Variants in TMCC1 observed in about 807,000 individuals in gnomAD.
TMCC1 encodes the protein transmembrane and coiled-coil domain family 1.
A neutral mutation model predicts 52.4 loss-of-function variants in TMCC1; 15 were observed. The observed-to-expected ratio is 0.29, with a 90% confidence interval of 0.19 to 0.44. TMCC1 has a LOEUF of 0.44. TMCC1 is among the 20% of genes least tolerant of loss of function. The probability of loss-of-function intolerance (pLI) is 1.00; values close to 1 mark genes in which losing one functional copy is unlikely to be tolerated. For missense variants in TMCC1, 503 were observed against 806.0 expected (o/e 0.62, Z 4.55); for synonymous variants, 279 against 301.9 (o/e 0.92, Z 0.79).
At chr3:129,729,536 A>G (rs2050379022) in intron 4 of TMCC1, among the ~76,000 whole-genome samples, 1 of 152,192 alleles carries the variant, frequency 6.6e-6, no homozygotes, top group Admixed American at 6.5e-5. Flanking sequence ...CTGTGAGATG[A>G]AAATATTGGC....
At chr3:129,889,921 TAA>T (rs3042659) in intron 1 of TMCC1, among the ~76,000 whole-genome samples, 44 of 134,832 alleles carry the variant, frequency 3.3e-4, no homozygotes, top group African/African-American at 3.7e-4. Flanking sequence ...GTAGCAAAGT[TAA>T]AAAAAAAAAA....
intron 2 of TMCC1, among the ~76,000 whole-genome samples, chr3:129,867,661 T>C (rs959914640): frequency 6.6e-6 from 1 of 152,164 alleles, no homozygotes; most frequent in Non-Finnish European, 1.5e-5. Context: ...GCCAAGCAAA[T>C]AACTGAAGCC....
chr3:129,786,037 T>C lies in TMCC1; in HGVS notation c.576+41766A>G, dbSNP rs372118294. 4.7e-5 allele frequency among the ~76,000 whole-genome samples: 7 copies of C among 150,514 alleles called. No homozygotes were observed. In the East Asian group the frequency reaches 1.4e-3, roughly 30 times the overall value. ...GCAATCTTCGCCTTCTAGGTTCAAG[T>C]GATTCTCGTGCCACAACCACCTGAA... On this transcript the variant is annotated intron_variant, in intron 4 of 6. Transcript: ENST00000393238.
At chr3:129,826,607 T>C (rs1159869218) in intron 4 of TMCC1, among the ~76,000 whole-genome samples, 4 of 152,138 alleles carry the variant, frequency 2.6e-5, no homozygotes, top group Non-Finnish European at 5.9e-5. Context: ...AGGTTTAAAG[T>C]GATTTACTGT....
chr3:129,799,903 A>G (rs2057078057), intron 4 of TMCC1, among the ~76,000 whole-genome samples: 1 of 152,178 alleles, frequency 6.6e-6, no homozygotes, highest in Non-Finnish European at 1.5e-5. Flanking sequence ...ATGTATGCAC[A>G]TAAACACATT....
At chr3:129,746,003 C>T (rs926111781) in intron 4 of TMCC1, among the ~76,000 whole-genome samples, 20 of 151,560 alleles carry the variant, frequency 1.3e-4, no homozygotes, top group Non-Finnish European at 2.5e-4. Context: ...GTGATCCTCC[C>T]GCCTCAGCCT....
At chr3:129,735,471 T>C (rs1273673228) in intron 4 of TMCC1, among the ~76,000 whole-genome samples, 2 of 151,806 alleles carry the variant, frequency 1.3e-5, no homozygotes, top group Admixed American at 6.6e-5. Context: ...AGTGAGATCC[T>C]GTCTCCACAA....
chr3:129,848,940 C>G (rs2059788955), intron 2 of TMCC1, among the ~76,000 whole-genome samples: 1 of 150,960 alleles, frequency 6.6e-6, no homozygotes, highest in Admixed American at 6.6e-5. Context: ...TACTTGATTT[C>G]CAAAATGGAG....
intron 4 of TMCC1, among the ~76,000 whole-genome samples, chr3:129,681,854 G>A (rs1357385800): frequency 6.6e-6 from 1 of 150,850 alleles, no homozygotes; most frequent in Non-Finnish European, 1.5e-5. Flanking sequence ...GGTGTAGTGA[G>A]CTGAGATCAT....
At chr3:129,787,472 A>AT (rs2056121850) in intron 4 of TMCC1, among the ~76,000 whole-genome samples, 2 of 152,248 alleles carry the variant, frequency 1.3e-5, no homozygotes, top group South Asian at 2.1e-4. Flanking sequence ...TATTAAACAT[A>AT]TTTTTCAGTA....
chr3:129,860,719 C>A (rs1018485098), intron 2 of TMCC1, among the ~76,000 whole-genome samples: 1 of 152,032 alleles, frequency 6.6e-6, no homozygotes, highest in African/African-American at 2.4e-5. Context: ...CCTGCCTCAG[C>A]CTCCAGAGTA....
chr3:129,771,611 C>T (rs2054578349), intron 4 of TMCC1, among the ~76,000 whole-genome samples: 1 of 151,134 alleles, frequency 6.6e-6, no homozygotes, highest in African/African-American at 2.4e-5. Flanking sequence ...CCTGTCTCTA[C>T]AAAAAATACA....
chr3:129,759,111 C>T (rs1274164135), intron 4 of TMCC1, among the ~76,000 whole-genome samples: 1 of 152,126 alleles, frequency 6.6e-6, no homozygotes, highest in African/African-American at 2.4e-5. Context: ...GTGATTAGTG[C>T]TAGTGTGAAC....
At chr3:129,653,870 A>G (rs1057320405) in intron 6 of TMCC1, among the ~76,000 whole-genome samples, 3 of 152,246 alleles carry the variant, frequency 2.0e-5, no homozygotes, top group Non-Finnish European at 4.4e-5. Flanking sequence ...ATACTAATAC[A>G]TTAATGAAAC....
chr3:129,763,889 C>T (rs1359870955), intron 4 of TMCC1, among the ~76,000 whole-genome samples: 1 of 149,784 alleles, frequency 6.7e-6, no homozygotes, highest in East Asian at 1.9e-4. Context: ...TAATATTAAC[C>T]AGTCTACTTA....
At position 129,651,425 on chromosome 3, in the gene TMCC1, ACT is replaced by A. The variant is rs2086312389; in HGVS notation, c.*54_*55del. 1.9e-6 allele frequency: 3 copies of A among 1,551,902 alleles called. No individual in the cohort carries two copies. The highest frequency in any genetic ancestry group is 3.7e-5 in the Admixed American group (2 of 53,878). On this transcript the variant is annotated 3_prime_UTR_variant, in exon 7 of 7. Coordinates refer to ENST00000393238, the MANE Select transcript of TMCC1 (RefSeq NM_001017395.5). This position sits in a 1 kb window ranked among gnomAD's most constrained non-coding sequence, Gnocchi z 5.1. ...TTCAGAGTAGGTAAGTTGCTGTCTA[ACT>A]CTCTGCTGCATGCACTCGCCAGAGG...
rs978589702 is a variant in TMCC1 at position 129,653,559 on chromosome 3, T to C, written c.1647+1409A>G. On this transcript the variant is annotated intron_variant, in intron 6 of 6. Transcript: ENST00000393238. ...CCCAGGTTCAGGCCATTCTTCTGCC[T>C]CAGCCTCCTGAGTAGCTGGGACTAC... 3.2e-4 allele frequency among the ~76,000 whole-genome samples: 48 copies of C among 152,242 alleles called. 1 individual carries two copies. Among genetic ancestry groups the C allele is most frequent in the Non-Finnish European group, 7.3e-5 (5 of 68,038 alleles).
chr3:129,702,951 G>C (rs990166378), intron 4 of TMCC1, among the ~76,000 whole-genome samples: 1 of 152,190 alleles, frequency 6.6e-6, no homozygotes, highest in South Asian at 2.1e-4. Context: ...GGGAGGTTGA[G>C]GTTGCAGTGG....
chr3:129,659,104 T>C lies in TMCC1; in HGVS notation c.1512-4001A>G, dbSNP rs1163303855. ...CCTTTTTCTTTCTTTCTTTTTTTTT[T>C]TTTTTTTTTTAAAGAGATGGGGTCT... On this transcript the variant is annotated intron_variant, in intron 5 of 6. Transcript: ENST00000393238. 2.7e-5 allele frequency among the ~76,000 whole-genome samples: 4 copies of C among 150,782 alleles called. No homozygotes were observed. In the East Asian group the frequency reaches 7.7e-4, roughly 29 times the overall value.
Sources: allele counts gnomAD v4.1 joint callset (sites outside exome capture counted in the v4.1 genomes callset), GRCh38; gene constraint gnomAD v4.1.1; non-coding constraint Gnocchi (gnomAD v3.1); transcripts MANE v1.5; gene names NCBI Gene and HGNC (gene_info 2026-07-23, HGNC 2026-07-21).